OCA2: variants seen among roughly 807,000 people sequenced by gnomAD.
The protein encoded by OCA2 is OCA2 melanosomal transmembrane protein.
In OCA2, 77 loss-of-function variants were observed where a neutral mutation model predicts 100.2. The ratio of observed to expected loss-of-function variants is 0.77; its 90% CI spans 0.64 to 0.93. The LOEUF (loss-of-function observed/expected upper bound fraction) is 0.93. Among genes scored for constraint, OCA2 ranks in the 40% least tolerant of loss-of-function variants. OCA2 has a pLI of 0.00. For synonymous variants in OCA2, 432 were observed against 439.2 expected (o/e 0.98, Z 0.21); for missense variants, 1,062 against 1,089.1 (o/e 0.98, Z 0.35).
intron 23 of OCA2, among the ~76,000 whole-genome samples, chr15:27,825,839 CG>C (rs2034700255): frequency 6.6e-6 from 1 of 152,206 alleles, no homozygotes; most frequent in African/African-American, 2.4e-5. Flanking sequence ...GGAAGGCAGC[CG>C]GCCAGGACCA....
chr15:28,078,534 G>T (rs2044508831), intron 2 of OCA2, among the ~76,000 whole-genome samples: 1 of 152,232 alleles, frequency 6.6e-6, no homozygotes, highest in Non-Finnish European at 1.5e-5. Flanking sequence ...ATGGCCTCCA[G>T]TCAACAGCTG....
intron 1 of OCA2, among the ~76,000 whole-genome samples, chr15:28,094,566 G>C (rs2044933468): frequency 6.7e-6 from 1 of 150,182 alleles, no homozygotes; most frequent in Admixed American, 6.6e-5. Flanking sequence ...CTTATTTTTA[G>C]AAAAAAAAAA....
intron 9 of OCA2, among the ~76,000 whole-genome samples, chr15:27,993,051 GAGGCAGAGCCTGCAGTGAGCCAAGATTGC>G (rs1023492380): frequency 6.6e-6 from 1 of 152,138 alleles, no homozygotes; most frequent in African/African-American, 2.4e-5. Flanking sequence ...TTGAGCCCTG[GAGGCAGAGCCTGCAGTGAGCCAAGATTGC>G]ACCACTGCAC....
intron 18 of OCA2, among the ~76,000 whole-genome samples, chr15:27,947,106 G>C (rs2039866032): frequency 1.3e-5 from 2 of 152,214 alleles, no homozygotes. Context: ...GCTTTAACAT[G>C]AACAATTTCT....
Position 27,957,471 on chromosome 15 carries a change from A to G in OCA2, c.1784+117T>C, listed in dbSNP as rs534808401. The G allele has an allele frequency of 8.9e-5, 110 of 1,232,494 alleles. No individual in the cohort carries two copies. In the African/African-American group the frequency reaches 1.4e-3, roughly 15 times the overall value. The allele number at this position is 1,232,494 out of a possible 1,614,324, so 76.3% of individuals were successfully genotyped here. A position where few individuals can be genotyped will look rare whatever the true frequency, so the allele number is the denominator to read the frequency against. On this transcript the variant is annotated intron_variant, in intron 16 of 23. Transcript: ENST00000354638. The surrounding 1 kb of genome is among the most constrained non-coding windows in gnomAD (Gnocchi z 4.3). ...TAAAATGTACTATAAGAGGCTTAGC[A>G]CAGTGTGCGTCACCTAAATATCACG...
intron 2 of OCA2, among the ~76,000 whole-genome samples, chr15:28,035,108 A>G (rs2043011460): frequency 6.6e-6 from 1 of 152,022 alleles, no homozygotes; most frequent in Non-Finnish European, 1.5e-5. Context: ...AAAATTAGAA[A>G]TGGGGAAAAA....
chr15:27,780,007 C>A (rs2032454858), intron 23 of OCA2, among the ~76,000 whole-genome samples: 1 of 148,808 alleles, frequency 6.7e-6, no homozygotes, highest in African/African-American at 2.5e-5. Flanking sequence ...GTTAAAAGTT[C>A]TTACCATAAC....
rs1200442978 is a variant in OCA2, at chr15:27,913,814, A to AG, written c.2079+12312_2079+12313insC. On this transcript the variant is annotated intron_variant, in intron 19 of 23. Transcript: ENST00000354638. ...TAGCAGAGACACAACAAAAAAAAAAAAGAGAAAGAAAGAAAGAAAGAAAGG... is the reference window on the plus strand; with the variant it reads ...TAGCAGAGACACAACAAAAAAAAAAAGAGAGAAAGAAAGAAAGAAAGAAAGG... Among the ~76,000 whole-genome samples, 90 of 87,504 alleles carry AG rather than the reference A, an allele frequency of 1.0e-3. 1 individual carries two copies. The highest frequency in any genetic ancestry group is 2.6e-3 in the African/African-American group (70 of 26,520). 57.4% of individuals were successfully genotyped at this position (87,504 alleles called of 152,430 possible). A position where few individuals can be genotyped will look rare whatever the true frequency, so the allele number is the denominator to read the frequency against.
intron 6 of OCA2, among the ~76,000 whole-genome samples, chr15:28,021,523 G>A (rs1447759941): frequency 1.3e-5 from 2 of 152,228 alleles, no homozygotes; most frequent in Admixed American, 1.3e-4. Context: ...ATTGCTCAAG[G>A]TCAAGTGTGG....
chr15:27,825,474 C>T (rs943574469), intron 23 of OCA2, among the ~76,000 whole-genome samples: 2 of 152,154 alleles, frequency 1.3e-5, no homozygotes, highest in South Asian at 2.1e-4. Context: ...GGCAGGGAAG[C>T]GGCCCGGCTG....
In OCA2 at chr15:27,980,509, C is replaced by CTT. The variant is rs570852940; in HGVS notation, c.1503+2835_1503+2836insAA. 2.6e-4 allele frequency among the ~76,000 whole-genome samples: 40 copies of CTT among 152,270 alleles called. No homozygotes were observed. In the South Asian group the frequency reaches 7.7e-3, roughly 29 times the overall value. On this transcript the variant is annotated intron_variant, in intron 14 of 23. Transcript: ENST00000354638. ...ATGACTTTGTGAAGATCCATGTTTC[C>CTT]ATTTGGTGTTATTTTCCTTCTGCCT...
At chr15:27,741,335 G>A in the OCA2 span, among the ~76,000 whole-genome samples, 1 of 152,168 alleles carries the variant, frequency 6.6e-6, no homozygotes. Context: ...CTGCTGCATG[G>A]GGGAGGCTTT....
intron 23 of OCA2, among the ~76,000 whole-genome samples, chr15:27,801,733 C>T (rs1329247805): frequency 6.6e-6 from 1 of 151,600 alleles, no homozygotes; most frequent in Non-Finnish European, 1.5e-5. Context: ...AACTCAACAC[C>T]CATTCATAAT....
intron 21 of OCA2, among the ~76,000 whole-genome samples, chr15:27,865,033 G>A (rs2036269593): frequency 6.6e-6 from 1 of 151,874 alleles, no homozygotes; most frequent in South Asian, 2.1e-4. Context: ...GAAATAGGAA[G>A]AGAAATATCC....
intron 18 of OCA2, chr15:27,950,484 T>C: frequency 2.0e-6 from 1 of 508,436 alleles, no homozygotes; most frequent in Non-Finnish European, 3.9e-6. Flanking sequence ...CTTTGGATCA[T>C]TACCTCATCA....
At chr15:28,020,338 G>A (rs905066098) in intron 6 of OCA2, among the ~76,000 whole-genome samples, 1 of 152,194 alleles carries the variant, frequency 6.6e-6, no homozygotes, top group Admixed American at 6.5e-5. Flanking sequence ...AAGCTGCTGT[G>A]CTCGCCTGGG....
At chr15:27,865,681 C>A (rs368576363) in intron 21 of OCA2, among the ~76,000 whole-genome samples, 1 of 152,206 alleles carries the variant, frequency 6.6e-6, no homozygotes, top group South Asian at 2.1e-4. Flanking sequence ...AGAAGCCTGG[C>A]CAACTACAGA....
At chr15:27,911,993 A>G (rs1303994267) in intron 19 of OCA2, among the ~76,000 whole-genome samples, 1 of 152,234 alleles carries the variant, frequency 6.6e-6, no homozygotes, top group Non-Finnish European at 1.5e-5. Flanking sequence ...TCACAAATAT[A>G]TGAGTTAGCA....
intron 18 of OCA2, among the ~76,000 whole-genome samples, chr15:27,928,977 C>G (rs1279035902): frequency 1.3e-5 from 2 of 152,144 alleles, no homozygotes; most frequent in African/African-American, 4.8e-5. Flanking sequence ...TCCTTTGAAG[C>G]AGAGAGGTAT....
Sources: gnomAD v4.1 joint callset for allele counts (sites outside exome capture counted in the v4.1 genomes callset) on GRCh38, gnomAD v4.1.1 for gene constraint, Gnocchi (gnomAD v3.1) non-coding constraint, MANE v1.5 for transcripts, NCBI Gene and HGNC (gene_info 2026-07-23, HGNC 2026-07-21) for gene names.